CSMD1: variants seen among roughly 807,000 people sequenced by gnomAD.
CSMD1 encodes the protein CUB and sushi domain-containing protein 1.
Under a neutral mutation model 417.5 loss-of-function variants are expected in CSMD1, and 213 were observed. That is an observed-to-expected ratio of 0.51 (90% CI 0.46 to 0.57). The LOEUF (loss-of-function observed/expected upper bound fraction) is 0.57. Ranked by LOEUF, CSMD1 falls within the 20% of genes least tolerant of loss-of-function variation. The probability of loss-of-function intolerance (pLI) is 0.00; values close to 1 mark genes in which losing one functional copy is unlikely to be tolerated. For missense variants in CSMD1, 6,923 were observed against 4,529.7 expected, an observed-to-expected ratio of 1.53 and a Z score of -15.17; for synonymous variants, 2,862 against 1,736.8, an observed-to-expected ratio of 1.65 and a Z score of -16.11.
chr8:4,015,592 C>T (rs1316211390), intron 4 of CSMD1, among the ~76,000 whole-genome samples: 4 of 150,450 alleles, frequency 2.7e-5, no homozygotes, highest in Non-Finnish European at 5.9e-5. Context: ...GGCATCTTGG[C>T]CCAATGACTA....
intron 23 of CSMD1, among the ~76,000 whole-genome samples, chr8:3,324,140 C>T (rs752499149): frequency 7.0e-6 from 1 of 143,604 alleles, no homozygotes; most frequent in Non-Finnish European, 1.5e-5. Context: ...AATAGACACA[C>T]ATCTAACACC....
intron 3 of CSMD1, among the ~76,000 whole-genome samples, chr8:4,312,252 C>A (rs928260948): frequency 6.6e-6 from 1 of 151,462 alleles, no homozygotes; most frequent in Non-Finnish European, 1.5e-5. Context: ...TATTGCAATC[C>A]TAATTTATTG....
At chr8:3,857,157 G>C (rs2129103368) in intron 5 of CSMD1, among the ~76,000 whole-genome samples, 1 of 152,296 alleles carries the variant, frequency 6.6e-6, no homozygotes, top group Non-Finnish European at 1.5e-5. Flanking sequence ...AGTGTAAAAT[G>C]ATGGGATAAT....
intron 52 of CSMD1, among the ~76,000 whole-genome samples, chr8:3,011,639 TA>T (rs1351196523): frequency 1.3e-5 from 2 of 152,116 alleles, no homozygotes; most frequent in East Asian, 1.9e-4. Flanking sequence ...AACAATCTAA[TA>T]AAAAATGATA....
At chr8:3,355,713 G>C (rs886898781) in intron 21 of CSMD1, among the ~76,000 whole-genome samples, 3 of 152,126 alleles carry the variant, frequency 2.0e-5, no homozygotes, top group Non-Finnish European at 4.4e-5. Flanking sequence ...TTGTTGATGA[G>C]GTTGAACCCT....
chr8:3,873,339 G>A (rs564587133), intron 5 of CSMD1, among the ~76,000 whole-genome samples: 2 of 152,024 alleles, frequency 1.3e-5, no homozygotes, highest in East Asian at 3.9e-4. Context: ...TAAAGAAAAT[G>A]TGATATGTAT....
chr8:3,595,820 C>T (rs956342848), intron 8 of CSMD1, among the ~76,000 whole-genome samples: 1 of 152,206 alleles, frequency 6.6e-6, no homozygotes, highest in African/African-American at 2.4e-5. Context: ...GTTCACCCAC[C>T]TATCTATACA....
At chr8:3,507,927 G>T (rs1424148577) in intron 10 of CSMD1, among the ~76,000 whole-genome samples, 1 of 152,050 alleles carries the variant, frequency 6.6e-6, no homozygotes, top group East Asian at 1.9e-4. Context: ...AGATGAGTAG[G>T]TTGCAAAAAG....
intron 51 of CSMD1, among the ~76,000 whole-genome samples, chr8:3,019,369 C>T (rs1046868300): frequency 1.3e-5 from 2 of 152,120 alleles, no homozygotes; most frequent in African/African-American, 4.8e-5. Flanking sequence ...CCAAGAATTA[C>T]ATAGTAGTAA....
intron 1 of CSMD1, among the ~76,000 whole-genome samples, chr8:4,907,265 A>C (rs1264634951): frequency 6.6e-6 from 1 of 152,202 alleles, no homozygotes; most frequent in East Asian, 1.9e-4. Flanking sequence ...ATTATTCTCC[A>C]TTTTGTGATG....
intron 9 of CSMD1, among the ~76,000 whole-genome samples, chr8:3,578,726 A>T (rs1800256652): frequency 6.6e-6 from 1 of 152,132 alleles, no homozygotes. Context: ...AGCCGAGGGA[A>T]ACTGTTCTGA....
intron 7 of CSMD1, among the ~76,000 whole-genome samples, chr8:3,636,800 C>T (rs776935288): frequency 1.3e-5 from 2 of 152,064 alleles, no homozygotes; most frequent in East Asian, 1.9e-4. Flanking sequence ...GAGTTTCATA[C>T]GATCATATCT....
At chr8:4,951,904 A>G (rs896235214) in intron 1 of CSMD1, among the ~76,000 whole-genome samples, 8 of 151,748 alleles carry the variant, frequency 5.3e-5, no homozygotes, top group Non-Finnish European at 8.8e-5. Flanking sequence ...ATGACATTTT[A>G]TTTATATATT....
intron 35 of CSMD1, 33 bp from the exon 36 acceptor site, chr8:3,187,998 T>G (rs1435749103): frequency 6.3e-7 from 1 of 1,582,906 alleles, no homozygotes; most frequent in African/African-American, 1.4e-5. Context: ...TAATATTTAT[T>G]TTTGGCTTAA....
intron 7 of CSMD1, among the ~76,000 whole-genome samples, chr8:3,695,691 G>C (rs1300465796): frequency 6.6e-6 from 1 of 152,160 alleles, no homozygotes; most frequent in Non-Finnish European, 1.5e-5. Context: ...CTAGCAAATT[G>C]TATTTAAAAG....
intron 1 of CSMD1, among the ~76,000 whole-genome samples, chr8:4,855,986 A>T (rs1022483797): frequency 3.2e-4 from 49 of 151,748 alleles, no homozygotes; most frequent in African/African-American, 1.2e-3. Flanking sequence ...GTTGAAATGA[A>T]GGAAAAAATG....
chr8:4,302,377 C>G (rs193116680), intron 3 of CSMD1, among the ~76,000 whole-genome samples: 2 of 152,280 alleles, frequency 1.3e-5, no homozygotes, highest in Non-Finnish European at 1.5e-5. Context: ...AGGGGTTATA[C>G]TATTCAGGCA....
At chr8:3,333,210 C>T (rs1045602647) in intron 23 of CSMD1, among the ~76,000 whole-genome samples, 81 of 152,258 alleles carry the variant, frequency 5.3e-4, no homozygotes, top group African/African-American at 1.6e-3. Flanking sequence ...CACCTGGTCA[C>T]GTCCTTGTGA....
At chr8:4,725,985 G>C (rs1044008531) in intron 1 of CSMD1, among the ~76,000 whole-genome samples, 3 of 152,048 alleles carry the variant, frequency 2.0e-5, no homozygotes, top group African/African-American at 4.8e-5. Context: ...TGGAATTTTG[G>C]TATCACGAAC....
Sources: gnomAD v4.1 joint callset for allele counts (sites outside exome capture counted in the v4.1 genomes callset) on GRCh38, gnomAD v4.1.1 for gene constraint, MANE v1.5 for transcripts, NCBI Gene and HGNC (gene_info 2026-07-23, HGNC 2026-07-21) for gene names.